Variants in LINGO2 observed in about 807,000 individuals in gnomAD.
LINGO2 encodes the protein leucine-rich repeat and immunoglobulin-like domain-containing nogo receptor-interacting protein 2.
LINGO2 carries 14 observed loss-of-function variants against 30.6 expected under a neutral mutation model. The observed-to-expected ratio is 0.46, with a 90% CI of 0.30 to 0.72. LINGO2 has a LOEUF of 0.72. Among genes scored for constraint, LINGO2 ranks in the 30% least tolerant of loss-of-function variants. LINGO2 has a pLI of 0.07. For missense variants in LINGO2, 729 were observed against 751.7 expected (o/e 0.97, Z 0.35); for synonymous variants, 317 against 288.5 (o/e 1.10, Z -1.00).
intron 1 of LINGO2, among the ~76,000 whole-genome samples, chr9:28,623,566 A>G (rs1663179872): frequency 6.6e-6 from 1 of 151,916 alleles, no homozygotes; most frequent in Admixed American, 6.6e-5. Flanking sequence ...GTCTGTTTCT[A>G]TGTCAGTACC....
At chr9:28,507,804 T>C (rs7864702) in intron 1 of LINGO2, among the ~76,000 whole-genome samples, 146,382 of 152,104 alleles carry the variant, frequency 0.96, 70,637 homozygotes, top group Non-Finnish European at 1. Context: ...AGATTTATAA[T>C]GAGTTTCTCA....
At chr9:28,167,403 CAG>C (rs1364090958) in intron 4 of LINGO2, among the ~76,000 whole-genome samples, 3 of 152,194 alleles carry the variant, frequency 2.0e-5, no homozygotes, top group South Asian at 4.1e-4. Flanking sequence ...CCTTTTGAGA[CAG>C]AGTCTCCCTC....
the LINGO2 span, among the ~76,000 whole-genome samples, chr9:28,832,384 T>C: frequency 6.6e-6 from 1 of 152,200 alleles, no homozygotes; most frequent in Non-Finnish European, 1.5e-5. Flanking sequence ...ATGTTTCTTA[T>C]TAAAACTTAA....
intron 4 of LINGO2, among the ~76,000 whole-genome samples, chr9:28,132,491 A>G (rs192360000): frequency 2.6e-5 from 4 of 152,236 alleles, no homozygotes; most frequent in African/African-American, 4.8e-5. Context: ...TGTCAGAATT[A>G]TAACCATTGC....
chr9:28,801,644 C>T, the LINGO2 span, among the ~76,000 whole-genome samples: 2 of 151,972 alleles, frequency 1.3e-5, no homozygotes, highest in African/African-American at 4.8e-5. Context: ...TCTATTTCAC[C>T]ACATGGTGGT....
chr9:28,273,093 T>G (rs1364897932), intron 4 of LINGO2, among the ~76,000 whole-genome samples: 2 of 152,216 alleles, frequency 1.3e-5, no homozygotes, highest in Non-Finnish European at 2.9e-5. Context: ...CCCATAGGTT[T>G]TCAATAAATA....
At chr9:29,042,658 A>C in the LINGO2 span, among the ~76,000 whole-genome samples, 1 of 151,894 alleles carries the variant, frequency 6.6e-6, no homozygotes, top group Admixed American at 6.6e-5. Context: ...GCAAAAGAAA[A>C]ATTGCATATA....
the LINGO2 span, among the ~76,000 whole-genome samples, chr9:28,889,798 G>T: frequency 6.6e-6 from 1 of 152,000 alleles, no homozygotes; most frequent in African/African-American, 2.4e-5. Context: ...AAGAAGACAG[G>T]CTCAGTTCTT....
chr9:28,325,439 T>C (rs902951749), intron 3 of LINGO2, among the ~76,000 whole-genome samples: 1 of 152,106 alleles, frequency 6.6e-6, no homozygotes, highest in East Asian at 1.9e-4. Context: ...CACGGTCTGA[T>C]ATGGTTTGGC....
At chr9:28,326,296 C>T (rs756401359) in intron 3 of LINGO2, among the ~76,000 whole-genome samples, 15 of 152,228 alleles carry the variant, frequency 9.9e-5, no homozygotes, top group Non-Finnish European at 2.1e-4. Context: ...TGAACCACCA[C>T]ACCCGGCCAC....
chr9:28,414,119 T>C (rs1456616598), intron 2 of LINGO2, among the ~76,000 whole-genome samples: 1 of 152,006 alleles, frequency 6.6e-6, no homozygotes, highest in Non-Finnish European at 1.5e-5. Context: ...CTCCATAAGC[T>C]TTCTACCCCA....
intron 1 of LINGO2, among the ~76,000 whole-genome samples, chr9:28,491,234 G>T (rs145026166): frequency 2.2e-4 from 34 of 152,274 alleles, no homozygotes; most frequent in African/African-American, 8.2e-4. Context: ...CTTTCTGGAG[G>T]CTTCAGTGAT....
chr9:28,862,232 T>A, the LINGO2 span, among the ~76,000 whole-genome samples: 1 of 152,010 alleles, frequency 6.6e-6, no homozygotes, highest in African/African-American at 2.4e-5. Context: ...CTTATGAACA[T>A]ACAGTCCTAT....
At chr9:28,840,081 A>G in the LINGO2 span, among the ~76,000 whole-genome samples, 1 of 149,576 alleles carries the variant, frequency 6.7e-6, no homozygotes, top group African/African-American at 2.6e-5. Context: ...AGGTTCTGGG[A>G]GCAGGGAGGG....
At chr9:28,254,904 C>T (rs1311605344) in intron 4 of LINGO2, among the ~76,000 whole-genome samples, 1 of 151,994 alleles carries the variant, frequency 6.6e-6, no homozygotes, top group East Asian at 1.9e-4. Flanking sequence ...TTTTCCTGAT[C>T]CTCTCCCTGT....
At chr9:28,983,229 G>C in the LINGO2 span, among the ~76,000 whole-genome samples, 1 of 150,744 alleles carries the variant, frequency 6.6e-6, no homozygotes. Context: ...ATGCAATGAG[G>C]AACGTATTGT....
At chr9:28,517,228 C>G (rs1414218665) in intron 1 of LINGO2, among the ~76,000 whole-genome samples, 2 of 152,056 alleles carry the variant, frequency 1.3e-5, no homozygotes, top group Non-Finnish European at 2.9e-5. Flanking sequence ...CTTTTCTTCC[C>G]CCTCCACCCC....
Position 28,194,581 on chromosome 9 carries a change from T to A in LINGO2, c.-87+100627A>T, listed in dbSNP as rs11373998. 3.6e-3 allele frequency among the ~76,000 whole-genome samples: 316 copies of A among 88,938 alleles called. 7 individuals are homozygous for A. Among genetic ancestry groups the A allele is most frequent in the East Asian group, 0.01 (27 of 2,574 alleles). 58.3% of individuals were successfully genotyped at this position (88,938 alleles called of 152,430 possible). A position where few individuals can be genotyped will look rare whatever the true frequency, so the allele number is the denominator to read the frequency against. ...TATCCTAAAAAAAAAAAAAAAAAAA[T>A]GGCTAAATTCACTAATAACAAGGAA... On this transcript the variant is annotated intron_variant, in intron 4 of 5. Transcript: ENST00000379992.
intron 2 of LINGO2, among the ~76,000 whole-genome samples, chr9:28,373,583 T>C (rs1258190553): frequency 6.6e-6 from 1 of 152,148 alleles, no homozygotes; most frequent in African/African-American, 2.4e-5. Flanking sequence ...AAAACTAACA[T>C]AAAACATCAT....
Sources: gnomAD v4.1 joint callset for allele counts (sites outside exome capture counted in the v4.1 genomes callset) on GRCh38, gnomAD v4.1.1 for gene constraint, MANE v1.5 for transcripts, NCBI Gene and HGNC (gene_info 2026-07-23, HGNC 2026-07-21) for gene names.